Variants in INSC observed in about 807,000 individuals in gnomAD.
The protein encoded by INSC is protein inscuteable homolog.
A neutral mutation model predicts 58.6 loss-of-function variants in INSC; 67 were observed. That is an observed-to-expected ratio of 1.14 (90% CI 0.94 to 1.40). The LOEUF (loss-of-function observed/expected upper bound fraction) is 1.40. Among genes scored for constraint, INSC ranks in the 40% most tolerant of loss-of-function variants. INSC has a pLI of 0.00. For missense variants in INSC, 714 were observed against 692.0 expected (o/e 1.03, Z -0.36); for synonymous variants, 262 against 276.1 (o/e 0.95, Z 0.51).
the INSC span, among the ~76,000 whole-genome samples, chr11:15,263,247 A>G: frequency 6.6e-6 from 1 of 152,128 alleles, no homozygotes; most frequent in Non-Finnish European, 1.5e-5. Flanking sequence ...AATATGTATG[A>G]AACTGGAGTT....
At chr11:15,198,858 G>A (rs1540152) in intron 6 of INSC, among the ~76,000 whole-genome samples, 5,681 of 152,138 alleles carry the variant, frequency 0.037, 150 homozygotes, top group Non-Finnish European at 0.054. Flanking sequence ...CTATGGGAAA[G>A]TAGGAAGGCA....
At chr11:15,122,828 C>T (rs1265353296) in intron 1 of INSC, among the ~76,000 whole-genome samples, 4 of 152,182 alleles carry the variant, frequency 2.6e-5, no homozygotes, top group East Asian at 1.9e-4. Context: ...AATTTGTTCT[C>T]CACACAGCAG....
At chr11:15,229,673 A>G (rs1011992099) in intron 9 of INSC, among the ~76,000 whole-genome samples, 2 of 151,906 alleles carry the variant, frequency 1.3e-5, no homozygotes, top group African/African-American at 4.8e-5. Flanking sequence ...TAACAGAACC[A>G]GAGACTGGGA....
the INSC span, among the ~76,000 whole-genome samples, chr11:15,255,801 C>T: frequency 2.0e-5 from 3 of 151,066 alleles, no homozygotes; most frequent in Non-Finnish European, 2.9e-5. Flanking sequence ...AGAAACTGTG[C>T]AGCCCAAATA....
chr11:15,152,009 T>C (rs1848668891), intron 2 of INSC, among the ~76,000 whole-genome samples: 1 of 152,224 alleles, frequency 6.6e-6, no homozygotes, highest in Non-Finnish European at 1.5e-5. Flanking sequence ...TGGTTTCAAG[T>C]ACTTGTTATG....
chr11:15,248,221 T>C (rs373691420), downstream of INSC, among the ~76,000 whole-genome samples: 1 of 152,212 alleles, frequency 6.6e-6, no homozygotes, highest in African/African-American at 2.4e-5. Context: ...TAATAATTTT[T>C]ACTGCTTCAT....
chr11:15,190,189 C>G (rs541977263), intron 5 of INSC, among the ~76,000 whole-genome samples: 1 of 152,280 alleles, frequency 6.6e-6, no homozygotes, highest in African/African-American at 2.4e-5. Flanking sequence ...AGAAAAATAT[C>G]CCTCAAGCAG....
intron 7 of INSC, among the ~76,000 whole-genome samples, chr11:15,218,716 C>T (rs1447827674): frequency 6.6e-6 from 1 of 152,146 alleles, no homozygotes; most frequent in Non-Finnish European, 1.5e-5. Context: ...CCTCTGGAAA[C>T]CAAAGGACAG....
chr11:15,187,820 T>C (rs1003306198), intron 5 of INSC, among the ~76,000 whole-genome samples: 7 of 152,166 alleles, frequency 4.6e-5, no homozygotes, highest in African/African-American at 1.7e-4. Context: ...CTTCTCATGA[T>C]ATTGAGTGAG....
intron 1 of INSC, among the ~76,000 whole-genome samples, chr11:15,116,770 CTTTT>C (rs146799479): frequency 1.3e-4 from 19 of 149,166 alleles, no homozygotes. Flanking sequence ...TCCATTCTTT[CTTTT>C]TTTCTTCCTT....
At chr11:15,243,662 T>C (rs571279327) in intron 12 of INSC, among the ~76,000 whole-genome samples, 1 of 152,224 alleles carries the variant, frequency 6.6e-6, no homozygotes, top group East Asian at 1.9e-4. Flanking sequence ...TCTCTGCCGC[T>C]CTCTGTTGTG....
At position 15,239,058 on chromosome 11, in the gene INSC, G is replaced by T. The variant is rs1436102285; in HGVS notation, c.1377G>T (p.Glu459Asp). The T allele has an allele frequency of 6.2e-7, 1 of 1,613,244 alleles. No individual in the cohort carries two copies. Among genetic ancestry groups the T allele is most frequent in the Admixed American group, 1.7e-5 (1 of 59,984 alleles). ...GCCGAGACCCAGATGTGGCACGGGA[G>T]GCCGTGCGGCTCAGCTGTGAGTGGT... ...RLSRDPDVAR[E>D]AVRLSCMSRL... Residue 459 changes from glutamate to aspartate, a missense_variant, in exon 11 of 13, where the codon GAG (glutamate) becomes GAT (aspartate). Physicochemically the swap from Glu to Asp is conservative, Grantham distance 45. Coordinates refer to ENST00000379556, the MANE Select transcript of INSC (RefSeq NM_001042536.3).
chr11:15,198,996 C>T (rs890487060), intron 6 of INSC, among the ~76,000 whole-genome samples: 30 of 152,170 alleles, frequency 2.0e-4, no homozygotes, highest in African/African-American at 6.3e-4. Flanking sequence ...CAACCCCCCA[C>T]CCTCCGAGCA....
Position 15,127,268 on chromosome 11 carries a change from T to C in INSC, c.-46+12265T>C, listed in dbSNP as rs77994775. 4.0e-4 allele frequency among the ~76,000 whole-genome samples: 61 copies of C among 152,298 alleles called. 3 individuals carry two copies. The East Asian group carries it at 0.012, about 29-fold the overall frequency. On this transcript the variant is annotated intron_variant, in intron 1 of 12. Transcript: ENST00000379556. ...AACTCACATATTTGTTTTCTTGCTG[T>C]CCTAAGAAGCTTAAAGCCACTTCTT...
intron 7 of INSC, among the ~76,000 whole-genome samples, chr11:15,201,887 G>A (rs1850607644): frequency 6.6e-6 from 1 of 152,184 alleles, no homozygotes; most frequent in East Asian, 1.9e-4. Flanking sequence ...ATGTCCCACA[G>A]TCTGGTCCTG....
the INSC span, among the ~76,000 whole-genome samples, chr11:15,254,273 C>G: frequency 6.6e-6 from 1 of 152,148 alleles, no homozygotes; most frequent in African/African-American, 2.4e-5. Flanking sequence ...GTACCAGACA[C>G]TTTTTAGCAG....
intron 1 of INSC, among the ~76,000 whole-genome samples, chr11:15,134,577 G>T (rs1848198991): frequency 6.6e-6 from 1 of 152,146 alleles, no homozygotes; most frequent in Non-Finnish European, 1.5e-5. Context: ...GCTGTCATTA[G>T]ACAAACAAAA....
chr11:15,194,194 T>C (rs1358293146), intron 6 of INSC, among the ~76,000 whole-genome samples: 7 of 152,208 alleles, frequency 4.6e-5, no homozygotes, highest in Admixed American at 2.0e-4. Flanking sequence ...GTAAGGTCTT[T>C]TGTTTCTTGT....
the INSC span, among the ~76,000 whole-genome samples, chr11:15,267,483 A>T: frequency 6.6e-6 from 1 of 151,854 alleles, no homozygotes; most frequent in African/African-American, 2.4e-5. Flanking sequence ...CTATGTCTTC[A>T]GGTTCACTAA....
Sources: allele counts gnomAD v4.1 joint callset (sites outside exome capture counted in the v4.1 genomes callset), GRCh38; gene constraint gnomAD v4.1.1; transcripts MANE v1.5; gene names NCBI Gene and HGNC (gene_info 2026-07-23, HGNC 2026-07-21).